The following GRIA4 variants were observed in gnomAD, a reference collection of about 807,000 sequenced individuals.
GRIA4 encodes glutamate ionotropic receptor AMPA type subunit 4.
A neutral mutation model predicts 104.0 loss-of-function variants in GRIA4; 34 were observed. The observed-to-expected ratio is 0.33, with a 90% confidence interval of 0.25 to 0.44. The LOEUF is 0.44. GRIA4 is among the 20% of genes least tolerant of loss of function. The pLI, the probability that GRIA4 is intolerant of heterozygous loss-of-function variation, is 1.00. For missense variants in GRIA4, 750 were observed against 1,096.5 expected (o/e 0.68, Z 4.46); for synonymous variants, 386 against 381.9 (o/e 1.01, Z -0.13).
At chr11:105,823,385 A>G (rs1296986770) in intron 4 of GRIA4, among the ~76,000 whole-genome samples, 2 of 152,102 alleles carry the variant, frequency 1.3e-5, no homozygotes, top group African/African-American at 4.8e-5. Flanking sequence ...GTTCTTGTGG[A>G]AAAAAACATA....
At chr11:105,664,276 G>T (rs1952099121) in intron 3 of GRIA4, among the ~76,000 whole-genome samples, 2 of 150,226 alleles carry the variant, frequency 1.3e-5, no homozygotes, top group Non-Finnish European at 3.0e-5. Context: ...TCAGAAAAAA[G>T]AAGTGCAAAT....
chr11:105,753,333 G>C (rs1353848542), intron 4 of GRIA4, 113 bp downstream of exon 4: 1 of 916,918 alleles, frequency 1.1e-6, no homozygotes, highest in Non-Finnish European at 1.7e-6. Flanking sequence ...ACTAAAATCA[G>C]AAAATGGTTG....
At position 105,940,135 on chromosome 11, in the gene GRIA4, C is replaced by T. The variant is rs545303790; in HGVS notation, c.2294+6166C>T. Among the ~76,000 whole-genome samples the T allele has an allele frequency of 3.9e-5, 6 of 152,164 alleles. No individual in the cohort carries two copies. The East Asian group carries it at 9.7e-4, about 25-fold the overall frequency. ...ATCCCAGCACTTTGGGAGGCTGAGG[C>T]GGGCAGATCAGTTAAGGTCAGGAGT... is the stretch of plus-strand genomic sequence containing the variant. On this transcript the variant is annotated intron_variant, in intron 14 of 16. Transcript: ENST00000282499.
At chr11:105,976,325 T>C (rs1475892030) in intron 16 of GRIA4, among the ~76,000 whole-genome samples, 1 of 152,048 alleles carries the variant, frequency 6.6e-6, no homozygotes, top group East Asian at 1.9e-4. Context: ...TGTATGCTAG[T>C]TCATTTCAAA....
At chr11:105,691,995 G>T (rs1348216859) in intron 3 of GRIA4, among the ~76,000 whole-genome samples, 1 of 149,086 alleles carries the variant, frequency 6.7e-6, no homozygotes, top group Non-Finnish European at 1.5e-5. Flanking sequence ...GTAAAACTAT[G>T]CATTAAAGAG....
intron 4 of GRIA4, among the ~76,000 whole-genome samples, chr11:105,769,621 G>A (rs1056177202): frequency 6.6e-6 from 1 of 151,954 alleles, no homozygotes; most frequent in Non-Finnish European, 1.5e-5. Context: ...GGGGCAGGGG[G>A]TACCAAGAGT....
chr11:105,688,150 CTATATCTCTA>C (rs1485768717), intron 3 of GRIA4, among the ~76,000 whole-genome samples: 254 of 50,106 alleles, frequency 5.1e-3, no homozygotes, highest in African/African-American at 0.016. Flanking sequence ...ATATCTATAT[CTATATCTCTA>C]TCTATCTATC....
chr11:105,714,704 T>G (rs1374379314), intron 3 of GRIA4, among the ~76,000 whole-genome samples: 1 of 152,186 alleles, frequency 6.6e-6, no homozygotes, highest in Admixed American at 6.6e-5. Context: ...TATTAAATTA[T>G]GATGACAACA....
At chr11:105,681,679 T>C (rs1173643633) in intron 3 of GRIA4, among the ~76,000 whole-genome samples, 1 of 152,180 alleles carries the variant, frequency 6.6e-6, no homozygotes, top group Non-Finnish European at 1.5e-5. Context: ...GAATGCCTCA[T>C]TAGTAATTTT....
chr11:105,726,230 G>A (rs1212584549), intron 3 of GRIA4, among the ~76,000 whole-genome samples: 1 of 152,042 alleles, frequency 6.6e-6, no homozygotes, highest in Non-Finnish European at 1.5e-5. Flanking sequence ...TATTACTGAG[G>A]CTTGAGTAGG....
intron 3 of GRIA4, among the ~76,000 whole-genome samples, chr11:105,715,003 A>G (rs866812396): frequency 5.9e-5 from 9 of 152,322 alleles, no homozygotes; most frequent in Middle Eastern, 3.4e-3. Context: ...TCAAGGCCAG[A>G]CTTGATGGCA....
In GRIA4 at chr11:105,756,655, C is replaced by T. The variant is rs533535231; in HGVS notation, c.487+3435C>T. On this transcript the variant is annotated intron_variant, in intron 4 of 16. Coordinates refer to ENST00000282499, the MANE Select transcript of GRIA4 (RefSeq NM_000829.4). ...AAAAAAACTTATGTCCTAACCAACGCCCCCCACCCAAAAAAATACAAAACA... is the reference window on the plus strand; with the variant it reads ...AAAAAAACTTATGTCCTAACCAACGTCCCCCACCCAAAAAAATACAAAACA... Among the ~76,000 whole-genome samples the T allele has an allele frequency of 4.0e-5, 6 of 151,558 alleles. No individual in the cohort carries two copies. In the South Asian group the frequency reaches 1.0e-3, roughly 26 times the overall value.
At chr11:105,683,963 C>T (rs1952790520) in intron 3 of GRIA4, among the ~76,000 whole-genome samples, 1 of 152,074 alleles carries the variant, frequency 6.6e-6, no homozygotes, top group Admixed American at 6.5e-5. Flanking sequence ...CAAACTTCAC[C>T]TCCTGGGTTC....
intron 3 of GRIA4, among the ~76,000 whole-genome samples, chr11:105,647,030 G>A (rs1335848565): frequency 6.6e-6 from 1 of 152,102 alleles, no homozygotes; most frequent in African/African-American, 2.4e-5. Context: ...CTATAGAATG[G>A]GAGAAAATAT....
At chr11:105,914,461 T>C (rs1249900317) in intron 10 of GRIA4, among the ~76,000 whole-genome samples, 2 of 152,154 alleles carry the variant, frequency 1.3e-5, no homozygotes, top group African/African-American at 2.4e-5. Context: ...TTTGTTTCGA[T>C]AGTTCCACTT....
Position 105,921,321 on chromosome 11 carries a change from G to GTA in GRIA4, c.1476+2404_1476+2405insAT, listed in dbSNP as rs1393593451. Among the ~76,000 whole-genome samples, 3 of 150,342 alleles carry GTA rather than the reference G, an allele frequency of 2.0e-5. No homozygotes were observed. The East Asian group carries it at 5.9e-4, about 29-fold the overall frequency. On this transcript the variant is annotated intron_variant, in intron 11 of 16. Transcript: ENST00000282499. The stretch of plus-strand genomic sequence containing the variant: ...ACCACACTTGGGTGTGTGTGTGTGT[G>GTA]TGTGTGTGTGTGTGTGTGTGTGTGT...
At chr11:105,969,904 T>A (rs564490788) in intron 14 of GRIA4, among the ~76,000 whole-genome samples, 12 of 152,286 alleles carry the variant, frequency 7.9e-5, no homozygotes, top group African/African-American at 2.6e-4. Context: ...AAATGAGATG[T>A]GACTTCTGCT....
At chr11:105,624,282 A>G (rs1287055100) in intron 3 of GRIA4, among the ~76,000 whole-genome samples, 4 of 152,242 alleles carry the variant, frequency 2.6e-5, no homozygotes, top group African/African-American at 9.6e-5. Context: ...CTAGGTGCAT[A>G]TAACATTTAG....
At chr11:105,815,301 C>T (rs1398554846) in intron 4 of GRIA4, among the ~76,000 whole-genome samples, 2 of 152,124 alleles carry the variant, frequency 1.3e-5, no homozygotes, top group Middle Eastern at 3.2e-3. Context: ...GTACATTCAT[C>T]CATTTGGGGC....
Sources: allele counts gnomAD v4.1 joint callset (sites outside exome capture counted in the v4.1 genomes callset), GRCh38; gene constraint gnomAD v4.1.1; transcripts MANE v1.5; gene names NCBI Gene and HGNC (gene_info 2026-07-23, HGNC 2026-07-21).